Variants in PCDHGA5 observed in about 807,000 individuals in gnomAD.
PCDHGA5 encodes the protein protocadherin gamma-A5.
A neutral mutation model predicts 56.7 loss-of-function variants in PCDHGA5; 36 were observed. The observed-to-expected ratio is 0.64, with a 90% CI of 0.49 to 0.84. The LOEUF (loss-of-function observed/expected upper bound fraction) is 0.84. Ranked by LOEUF, PCDHGA5 falls within the 40% of genes least tolerant of loss-of-function variation. The pLI is 0.00. For synonymous variants in PCDHGA5, 563 were observed against 520.2 expected (o/e 1.08, Z -1.12); for missense variants, 1,305 against 1,201.5 (o/e 1.09, Z -1.27).
intron 1 of PCDHGA5, among the ~76,000 whole-genome samples, chr5:141,444,256 C>T (rs1445343718): frequency 2.1e-5 from 3 of 146,298 alleles, no homozygotes; most frequent in African/African-American, 5.1e-5. Context: ...ACTGCAACCT[C>T]CGCCTCCCAG....
chr5:141,487,069 T>C lies in PCDHGA5; in HGVS notation c.2422-7738T>C, dbSNP rs750739955. 26 of 1,614,160 alleles carry C rather than the reference T, an allele frequency of 1.6e-5. No homozygotes were observed. Among genetic ancestry groups the C allele is most frequent in the Non-Finnish European group, 2.0e-5 (24 of 1,180,002 alleles). On this transcript the variant is annotated intron_variant, in intron 1 of 3. Transcript: ENST00000518069. This position sits in a 1 kb window ranked among gnomAD's most constrained non-coding sequence, Gnocchi z 5.0. The stretch of plus-strand genomic sequence containing the variant: ...ATGCTGGGGAGGTGCGGACGGCTGT[T>C]CCTATCCCAGCTGACCTCCCACCAC...
Position 141,432,099 on chromosome 5 carries a change from A to G in PCDHGA5, c.2422-62708A>G. On this transcript the variant is annotated intron_variant, in intron 1 of 3. Transcript: ENST00000518069. This position sits in a 1 kb window ranked among gnomAD's most constrained non-coding sequence, Gnocchi z 6.0. ...TCGCTGAACGTGGCAGACACCAACG[A>G]CAACCCGCCGGTCTTCCCTCAGGCC... 6.2e-7 allele frequency: 1 copy of G among 1,614,102 alleles called. No homozygotes were observed. The highest frequency in any genetic ancestry group is 1.1e-5 in the South Asian group (1 of 91,070).
At chr5:141,383,544 T>A (rs1273578608) in intron 1 of PCDHGA5, 21 of 1,612,498 alleles carry the variant, frequency 1.3e-5, no homozygotes, top group Non-Finnish European at 1.8e-5. Context: ...TCACAGCCTC[T>A]GATGGCGGCG....
At position 141,486,408 on chromosome 5, in the gene PCDHGA5, C is replaced by G; in HGVS notation, c.2422-8399C>G. The G allele has an allele frequency of 1.2e-6, 2 of 1,614,156 alleles. No homozygotes were observed. The highest frequency in any genetic ancestry group is 1.7e-6 in the Non-Finnish European group (2 of 1,180,014). Reference sequence around the variant, plus strand: ...CAGTTCTCCCTGGTGACTGCTGGACCCTTGGATCGAGAGGCCAAATCTAGC... The same window carrying G: ...CAGTTCTCCCTGGTGACTGCTGGACGCTTGGATCGAGAGGCCAAATCTAGC... On this transcript the variant is annotated intron_variant, in intron 1 of 3. Transcript: ENST00000518069. This position sits in a 1 kb window ranked among gnomAD's most constrained non-coding sequence, Gnocchi z 5.0.
At chr5:141,414,878 A>G in intron 1 of PCDHGA5, 2 of 1,614,026 alleles carry the variant, frequency 1.2e-6, no homozygotes, top group Non-Finnish European at 1.7e-6. Context: ...GAGATCCTGT[A>G]CCCCGCCCTC....
At chr5:141,448,216 G>A (rs766377717) in intron 1 of PCDHGA5, among the ~76,000 whole-genome samples, 41 of 152,046 alleles carry the variant, frequency 2.7e-4, no homozygotes, top group African/African-American at 1.7e-4. Context: ...GTGTGTATGC[G>A]AATGTATGTG....
At chr5:141,392,654 A>G (rs2092571814) in intron 1 of PCDHGA5, 1 of 734,690 alleles carries the variant, frequency 1.4e-6, no homozygotes, top group Admixed American at 3.4e-5. Flanking sequence ...AGACCCGCAG[A>G]TGCCACAAAC....
At chr5:141,408,885 T>G in intron 1 of PCDHGA5, 1 of 1,613,020 alleles carries the variant, frequency 6.2e-7, no homozygotes, top group Middle Eastern at 1.6e-4. Context: ...ACCGCTCACA[T>G]AGAAATTTCT....
rs767330174 is a variant in PCDHGA5, at chr5:141,491,818, C to T, written c.2422-2989C>T. The T allele has an allele frequency of 1.6e-5, 24 of 1,481,560 alleles. No homozygotes were observed. The highest frequency in any genetic ancestry group is 1.9e-5 in the Non-Finnish European group (21 of 1,116,446). 91.8% of individuals were successfully genotyped at this position (1,481,560 alleles called of 1,614,324 possible). A position where few individuals can be genotyped will look rare whatever the true frequency, so the allele number is the denominator to read the frequency against. On this transcript the variant is annotated intron_variant, in intron 1 of 3. Transcript: ENST00000518069. This position sits in a 1 kb window ranked among gnomAD's most constrained non-coding sequence, Gnocchi z 6.9. ...CTCCGGCCGGCTTGGTCGCTGGCTGCGCTCCACCCGATTCTCGGGATCATT... is the reference window on the plus strand; with the variant it reads ...CTCCGGCCGGCTTGGTCGCTGGCTGTGCTCCACCCGATTCTCGGGATCATT...
chr5:141,415,007 G>C, intron 1 of PCDHGA5: 1 of 1,613,654 alleles, frequency 6.2e-7, no homozygotes, highest in Non-Finnish European at 8.5e-7. Context: ...CTGTCCTACC[G>C]TCTGCTCAAG....
At chr5:141,414,738 C>T in intron 1 of PCDHGA5, 1 of 1,614,238 alleles carries the variant, frequency 6.2e-7, no homozygotes, top group Non-Finnish European at 8.5e-7. Context: ...TGTATGCACT[C>T]AGATCCTTCG....
chr5:141,479,801 G>A (rs2099507037), intron 1 of PCDHGA5, among the ~76,000 whole-genome samples: 1 of 152,118 alleles, frequency 6.6e-6, no homozygotes, highest in Non-Finnish European at 1.5e-5. Flanking sequence ...AATTCAGGGT[G>A]GTATGCAAGG....
chr5:141,458,918 A>C (rs1173274380), intron 1 of PCDHGA5, among the ~76,000 whole-genome samples: 1 of 152,022 alleles, frequency 6.6e-6, no homozygotes, highest in Non-Finnish European at 1.5e-5. Context: ...TTTTTTGTGG[A>C]GACGGGGTCT....
intron 1 of PCDHGA5, among the ~76,000 whole-genome samples, chr5:141,448,629 C>T (rs1188418541): frequency 6.6e-6 from 1 of 152,060 alleles, no homozygotes; most frequent in Non-Finnish European, 1.5e-5. Flanking sequence ...CCTTTCTTCA[C>T]ATTATATCCT....
At chr5:141,411,161 A>G (rs2095470005) in intron 1 of PCDHGA5, 1 of 152,284 alleles carries the variant, frequency 6.6e-6, no homozygotes, top group Non-Finnish European at 1.5e-5. Context: ...AGTTCTGACT[A>G]TCGAACAGAA....
At chr5:141,388,956 G>C (rs1010974359) in intron 1 of PCDHGA5, 1 of 1,613,846 alleles carries the variant, frequency 6.2e-7, no homozygotes, top group Non-Finnish European at 8.5e-7. Context: ...TATGGAGGAC[G>C]CCGAGCTGGG....
At position 141,421,063 on chromosome 5, in the gene PCDHGA5, G is replaced by A. The variant is rs575695102; in HGVS notation, c.2421+54312G>A. 4.7e-4 allele frequency: 274 copies of A among 581,982 alleles called. 4 individuals are homozygous for A. The South Asian group carries it at 6.4e-3, about 14-fold the overall frequency. 36.1% of individuals were successfully genotyped at this position (581,982 alleles called of 1,614,324 possible). On this transcript the variant is annotated intron_variant, in intron 1 of 3. Transcript: ENST00000518069. ...CTCCCCCGCCTCTACCACACAAAGC[G>A]GAATGAGATGGATACTCACAGATCC... is the stretch of plus-strand genomic sequence containing the variant.
intron 1 of PCDHGA5, chr5:141,415,744 T>TTTG (rs2095926305): frequency 2.5e-6 from 1 of 404,416 alleles, no homozygotes; most frequent in South Asian, 6.6e-5. Context: ...ATTAAGGTTT[T>TTTG]TTTTTTTTTT....
At position 141,368,129 on chromosome 5, in the gene PCDHGA5, C is replaced by A. The variant is rs1188754487; in HGVS notation, c.2421+1378C>A. ...TGTTTCTTATTAAAATATTCTTAAT[C>A]CTTCAAATTTTGTACTTTTAAAACC... On this transcript the variant is annotated intron_variant, in intron 1 of 3. Transcript: ENST00000518069. Among the ~76,000 whole-genome samples, 9 of 152,216 alleles carry A rather than the reference C, an allele frequency of 5.9e-5. No individual in the cohort carries two copies. In the South Asian group the frequency reaches 1.2e-3, roughly 21 times the overall value.
Sources: gnomAD v4.1 joint callset for allele counts (sites outside exome capture counted in the v4.1 genomes callset) on GRCh38, gnomAD v4.1.1 for gene constraint, Gnocchi (gnomAD v3.1) non-coding constraint, MANE v1.5 for transcripts, NCBI Gene and HGNC (gene_info 2026-07-23, HGNC 2026-07-21) for gene names.